WWOX: variants seen among roughly 807,000 people sequenced by gnomAD.
WWOX encodes WW domain-containing oxidoreductase.
In WWOX, 69 loss-of-function variants were observed where a neutral mutation model predicts 46.2. The observed-to-expected ratio is 1.49, with a 90% CI of 1.23 to 1.82. The LOEUF is 1.82. WWOX is among the 40% of genes most tolerant of loss of function. The pLI, the probability that WWOX is intolerant of heterozygous loss-of-function variation, is 0.00. For synonymous variants in WWOX, 359 were observed against 202.6 expected (o/e 1.77, Z -6.56); for missense variants, 919 against 542.6 (o/e 1.69, Z -6.89).
At chr16:78,273,411 G>A (rs149846633) in intron 5 of WWOX, among the ~76,000 whole-genome samples, 74 of 152,156 alleles carry the variant, frequency 4.9e-4, no homozygotes, top group East Asian at 2.5e-3. Flanking sequence ...GCTTCTGTGC[G>A]AGCCTGACCT....
intron 5 of WWOX, among the ~76,000 whole-genome samples, chr16:78,200,573 T>G (rs1597344713): frequency 1.3e-5 from 2 of 151,268 alleles, no homozygotes; most frequent in Admixed American, 6.6e-5. Flanking sequence ...ATTACTGTGC[T>G]TTCCCTTGAG....
chr16:78,600,245 G>A (rs1380215443), intron 8 of WWOX, among the ~76,000 whole-genome samples: 2 of 152,050 alleles, frequency 1.3e-5, no homozygotes, highest in African/African-American at 4.8e-5. Context: ...GGGAGCGACA[G>A]TTCAAGATGA....
chr16:78,811,956 A>G (rs989200843), intron 8 of WWOX, among the ~76,000 whole-genome samples: 4 of 152,280 alleles, frequency 2.6e-5, no homozygotes, highest in South Asian at 2.1e-4. Flanking sequence ...TTTTTAAAGA[A>G]TTGTGCCAGA....
At chr16:78,883,506 T>C (rs1451411449) in intron 8 of WWOX, among the ~76,000 whole-genome samples, 2 of 152,118 alleles carry the variant, frequency 1.3e-5, no homozygotes, top group African/African-American at 4.8e-5. Flanking sequence ...AGCTGATCAC[T>C]TGAGGTCAGG....
In WWOX at chr16:78,554,243, G is replaced by A. The variant is rs573969303; in HGVS notation, c.1056+121491G>A. ...GCATGTGGACATGATGGAAAGGGAA[G>A]AGAAGAACTGTCAAGATTTTCACTA... On this transcript the variant is annotated intron_variant, in intron 8 of 8. Coordinates refer to ENST00000566780, the MANE Select transcript of WWOX (RefSeq NM_016373.4). Among the ~76,000 whole-genome samples, 352 of 152,288 alleles carry A rather than the reference G, an allele frequency of 2.3e-3. 2 individuals are homozygous for A. The highest frequency in any genetic ancestry group is 8.2e-3 in the African/African-American group (340 of 41,554).
intron 5 of WWOX, among the ~76,000 whole-genome samples, chr16:78,217,525 T>G (rs1473138290): frequency 6.6e-6 from 1 of 152,162 alleles, no homozygotes; most frequent in Non-Finnish European, 1.5e-5. Context: ...TGTTGAGACA[T>G]GTGATCCTGC....
At chr16:78,747,103 G>T (rs1226972400) in intron 8 of WWOX, among the ~76,000 whole-genome samples, 1 of 151,738 alleles carries the variant, frequency 6.6e-6, no homozygotes, top group African/African-American at 2.4e-5. Context: ...CTTTTCCTGG[G>T]ACCCACAGAG....
intron 8 of WWOX, chr16:79,090,217 G>C (rs2048929984): frequency 6.6e-6 from 1 of 152,258 alleles, no homozygotes; most frequent in South Asian, 2.1e-4. Context: ...GGGTCTGAGT[G>C]GGCCAGGGTC....
intron 8 of WWOX, among the ~76,000 whole-genome samples, chr16:79,201,990 G>C (rs964429994): frequency 6.6e-6 from 1 of 152,180 alleles, no homozygotes; most frequent in Non-Finnish European, 1.5e-5. Flanking sequence ...TTTAATAACA[G>C]TCTTAATCGT....
intron 8 of WWOX, among the ~76,000 whole-genome samples, chr16:78,444,506 A>G (rs991609547): frequency 1.3e-5 from 2 of 151,680 alleles, no homozygotes; most frequent in Admixed American, 6.6e-5. Flanking sequence ...TATAGGAAGG[A>G]TACAGTTATG....
chr16:78,488,056 C>A (rs1489895969), intron 8 of WWOX, among the ~76,000 whole-genome samples: 2 of 152,138 alleles, frequency 1.3e-5, no homozygotes, highest in East Asian at 1.9e-4. Flanking sequence ...CAGGCTGTTA[C>A]TTGTTGTGGT....
intron 8 of WWOX, among the ~76,000 whole-genome samples, chr16:78,619,838 G>A (rs953072673): frequency 1.3e-5 from 2 of 152,020 alleles, no homozygotes; most frequent in South Asian, 2.1e-4. Flanking sequence ...GAGCAAAGGA[G>A]GTTGAACCAT....
At chr16:78,856,195 C>G (rs2052562264) in intron 8 of WWOX, among the ~76,000 whole-genome samples, 1 of 152,100 alleles carries the variant, frequency 6.6e-6, no homozygotes, top group Admixed American at 6.5e-5. Flanking sequence ...AGGGCCAGAA[C>G]AGAATGACAG....
intron 8 of WWOX, among the ~76,000 whole-genome samples, chr16:79,096,159 A>G (rs1461366176): frequency 6.6e-6 from 1 of 151,388 alleles, no homozygotes; most frequent in Non-Finnish European, 1.5e-5. Flanking sequence ...TGAGCCACAG[A>G]GCCTGACCAC....
intron 8 of WWOX, among the ~76,000 whole-genome samples, chr16:78,578,209 C>A (rs1297961060): frequency 8.0e-6 from 1 of 124,562 alleles, no homozygotes; most frequent in African/African-American, 3.0e-5. Context: ...AGTCTCTTGC[C>A]TTTCAATTTT....
At chr16:78,542,085 T>A (rs547225707) in intron 8 of WWOX, among the ~76,000 whole-genome samples, 8 of 141,988 alleles carry the variant, frequency 5.6e-5, no homozygotes, top group Non-Finnish European at 9.1e-5. Flanking sequence ...CTGGACTTAA[T>A]CTTCATGATG....
chr16:79,123,540 C>G (rs1287267167), intron 8 of WWOX, among the ~76,000 whole-genome samples: 1 of 152,058 alleles, frequency 6.6e-6, no homozygotes, highest in East Asian at 1.9e-4. Flanking sequence ...TGAGTAGATT[C>G]TTGTCCTTAT....
intron 8 of WWOX, among the ~76,000 whole-genome samples, chr16:78,678,532 G>T (rs897458767): frequency 2.0e-5 from 3 of 152,150 alleles, no homozygotes; most frequent in Non-Finnish European, 4.4e-5. Flanking sequence ...TGGGCAAGGC[G>T]GAGATCCAGT....
rs146264680 is a variant in WWOX at position 78,128,775 on chromosome 16, C to A, written c.409+13621C>A. On this transcript the variant is annotated intron_variant, in intron 4 of 8. Coordinates refer to ENST00000566780, the MANE Select transcript of WWOX (RefSeq NM_016373.4). ...AACTCTCAAAACTTTTTGTATCTTG[C>A]AATATAATGTCTTCCAACTGCCTTT... Among the ~76,000 whole-genome samples, 159 of 151,444 alleles carry A rather than the reference C, an allele frequency of 1.0e-3. 1 individual carries two copies. The highest frequency in any genetic ancestry group is 3.8e-3 in the African/African-American group (154 of 40,750).
Sources: allele counts gnomAD v4.1 joint callset (sites outside exome capture counted in the v4.1 genomes callset), GRCh38; gene constraint gnomAD v4.1.1; transcripts MANE v1.5; gene names NCBI Gene and HGNC (gene_info 2026-07-23, HGNC 2026-07-21).